TEX9: variants seen among roughly 807,000 people sequenced by gnomAD.
TEX9 encodes testis expressed 9, also known as testis-expressed protein 9.
A neutral mutation model predicts 59.6 loss-of-function variants in TEX9; 74 were observed. That is an observed-to-expected ratio of 1.24 (90% CI 1.03 to 1.51). The LOEUF is 1.51. Ranked by LOEUF, TEX9 falls within the 40% of genes most tolerant of loss-of-function variation. The pLI is 0.00. For synonymous variants in TEX9, 186 were observed against 152.2 expected (o/e 1.22, Z -1.64); for missense variants, 522 against 447.8 (o/e 1.17, Z -1.49).
chr15:56,421,272 T>G (rs1446270783), intron 10 of TEX9, among the ~76,000 whole-genome samples: 1 of 151,898 alleles, frequency 6.6e-6, no homozygotes, highest in Non-Finnish European at 1.5e-5. Flanking sequence ...TAAATCCTCT[T>G]GAATGAATTG....
In TEX9 at chr15:56,379,071, C is replaced by CAA. The variant is rs199787439; in HGVS notation, c.184-4869_184-4868dup. Among the ~76,000 whole-genome samples, 280 of 50,260 alleles carry CAA rather than the reference C, an allele frequency of 5.6e-3. 1 individual carries two copies. Among genetic ancestry groups the CAA allele is most frequent in the Middle Eastern group, 0.014 (1 of 74 alleles). The allele number at this position is 50,260 out of a possible 152,430, so 33.0% of individuals were successfully genotyped here. On this transcript the variant is annotated intron_variant, in intron 3 of 12. Transcript: ENST00000352903. ...AGAGTTTCTCTCTATCTCAAAGAAA[C>CAA]AAAAAAAAAAAAAGAAAGAAAGAAA... is the stretch of plus-strand genomic sequence containing the variant.
upstream of TEX9, among the ~76,000 whole-genome samples, chr15:56,361,518 T>C (rs1264377611): frequency 3.3e-5 from 5 of 152,330 alleles, no homozygotes; most frequent in East Asian, 7.7e-4. Context: ...TGTTTTGTTA[T>C]TGATTTTTAG....
intron 1 of TEX9, among the ~76,000 whole-genome samples, chr15:56,293,509 GC>G (rs2045146116): frequency 6.6e-6 from 1 of 152,180 alleles, no homozygotes; most frequent in Admixed American, 6.5e-5. Context: ...TGATCTGTAG[GC>G]CCATGAATGT....
At chr15:56,283,814 T>G (rs2044876778) in intron 1 of TEX9, among the ~76,000 whole-genome samples, 1 of 151,716 alleles carries the variant, frequency 6.6e-6, no homozygotes, top group Admixed American at 6.6e-5. Context: ...GAAAAAAAAA[T>G]CACAATTAAT....
chr15:56,302,657 A>G (rs928996820), intron 1 of TEX9, among the ~76,000 whole-genome samples: 3 of 152,224 alleles, frequency 2.0e-5, no homozygotes, highest in African/African-American at 7.2e-5. Flanking sequence ...AGAAGACTAC[A>G]AAACAACCAG....
intron 1 of TEX9, among the ~76,000 whole-genome samples, chr15:56,270,517 C>G (rs547448761): frequency 6.6e-6 from 1 of 152,290 alleles, no homozygotes; most frequent in Admixed American, 6.5e-5. Context: ...TTCCTCCATC[C>G]TTTTATTTTG....
chr15:56,423,512 G>A (rs1161541426), intron 10 of TEX9, among the ~76,000 whole-genome samples: 1 of 151,664 alleles, frequency 6.6e-6, no homozygotes, highest in Admixed American at 6.6e-5. Flanking sequence ...TATTTTTTTC[G>A]TTAACATCTT....
chr15:56,363,655 T>C (rs1194667129), upstream of TEX9, among the ~76,000 whole-genome samples: 1 of 151,836 alleles, frequency 6.6e-6, no homozygotes, highest in East Asian at 1.9e-4. Flanking sequence ...TTTTAAAAAT[T>C]TTTTTAAATT....
At chr15:56,250,769 AAAAC>A (rs1209608979) in intron 1 of TEX9, among the ~76,000 whole-genome samples, 1 of 152,196 alleles carries the variant, frequency 6.6e-6, no homozygotes, top group Non-Finnish European at 1.5e-5. Context: ...GGGAAAAAAA[AAAAC>A]AAAATAATTC....
intron 2 of TEX9, among the ~76,000 whole-genome samples, chr15:56,367,425 G>A (rs574568327): frequency 1.5e-4 from 23 of 152,220 alleles, no homozygotes; most frequent in African/African-American, 5.5e-4. Flanking sequence ...TACTTCCCAG[G>A]GACCTCAATC....
intron 1 of TEX9, among the ~76,000 whole-genome samples, chr15:56,272,922 A>C (rs1434025171): frequency 5.9e-5 from 7 of 118,594 alleles, no homozygotes; most frequent in African/African-American, 2.0e-4. Context: ...TTCTTTATTT[A>C]TTTATTTATT....
intron 1 of TEX9, among the ~76,000 whole-genome samples, chr15:56,269,597 G>A (rs573799830): frequency 1.3e-5 from 2 of 151,456 alleles, no homozygotes; most frequent in Non-Finnish European, 2.9e-5. Context: ...TCATTCAGGA[G>A]CAGGTTGTTC....
chr15:56,248,396 G>A (rs2043917525), intron 1 of TEX9, among the ~76,000 whole-genome samples: 1 of 152,144 alleles, frequency 6.6e-6, no homozygotes, highest in Admixed American at 6.5e-5. Flanking sequence ...TTCAAATACT[G>A]TCAAGGCAGC....
At chr15:56,274,735 T>C (rs2044629248) in intron 1 of TEX9, 1 of 152,100 alleles carries the variant, frequency 6.6e-6, no homozygotes, top group African/African-American at 2.4e-5. Context: ...TTTTTTTTTT[T>C]CTCCTACCAT....
chr15:56,424,749 AAAAGAATGAAAAGTG>A (rs761516968), intron 10 of TEX9, among the ~76,000 whole-genome samples: 14 of 152,202 alleles, frequency 9.2e-5, no homozygotes, highest in South Asian at 2.1e-4. Flanking sequence ...TTTAAATTCG[AAAAGAATGAAAAGTG>A]AAAGAATGAA....
chr15:56,430,657 G>A (rs34755898), intron 12 of TEX9, among the ~76,000 whole-genome samples: 52,288 of 151,772 alleles, frequency 0.34, 10,362 homozygotes, highest in Non-Finnish European at 0.44. Flanking sequence ...GCCTATTACT[G>A]GTGTTACCAG....
At chr15:56,326,206 A>G (rs1305821728) in intron 1 of TEX9, among the ~76,000 whole-genome samples, 1 of 152,142 alleles carries the variant, frequency 6.6e-6, no homozygotes, top group Non-Finnish European at 1.5e-5. Context: ...TTGAATAGAA[A>G]TCCTTCTCCT....
chr15:56,253,254 G>A (rs534657124), intron 1 of TEX9, among the ~76,000 whole-genome samples: 41 of 151,908 alleles, frequency 2.7e-4, no homozygotes, highest in African/African-American at 9.4e-4. Flanking sequence ...AGGCACCATT[G>A]GATGGCAAGA....
chr15:56,305,653 T>C (rs1421195748), intron 1 of TEX9, among the ~76,000 whole-genome samples: 1 of 152,100 alleles, frequency 6.6e-6, no homozygotes, highest in Non-Finnish European at 1.5e-5. Flanking sequence ...GTCTAAGACC[T>C]CAAAATATAA....
Sources: allele counts gnomAD v4.1 joint callset (sites outside exome capture counted in the v4.1 genomes callset), GRCh38; gene constraint gnomAD v4.1.1; transcripts MANE v1.5; gene names NCBI Gene and HGNC (gene_info 2026-07-23, HGNC 2026-07-21).